The following TDRD3 variants were observed in gnomAD, a reference collection of about 807,000 sequenced individuals.
The protein encoded by TDRD3 is tudor domain containing 3.
In TDRD3, 45 loss-of-function variants were observed where a neutral mutation model predicts 86.7. That is an observed-to-expected ratio of 0.52 (90% CI 0.41 to 0.67). TDRD3 has a LOEUF of 0.67. TDRD3 is among the 30% of genes least tolerant of loss of function. The pLI, the probability that TDRD3 is intolerant of heterozygous loss-of-function variation, is 0.00. For missense variants in TDRD3, 814 were observed against 889.0 expected (o/e 0.92, Z 1.07); for synonymous variants, 298 against 301.7 (o/e 0.99, Z 0.13).
At chr13:60,557,855 C>T (rs1203278456) in intron 12 of TDRD3, among the ~76,000 whole-genome samples, 10 of 98,072 alleles carry the variant, frequency 1.0e-4, no homozygotes, top group East Asian at 7.8e-4. Flanking sequence ...GACAGAGTCT[C>T]GCTCTGTCAC....
chr13:60,423,783 T>C (rs1954723811), intron 1 of TDRD3, among the ~76,000 whole-genome samples: 1 of 152,192 alleles, frequency 6.6e-6, no homozygotes, highest in Admixed American at 6.5e-5. Flanking sequence ...ATTTATGTGG[T>C]ATATTTAAAG....
chr13:60,462,673 T>TATC (rs1446787124), intron 4 of TDRD3, among the ~76,000 whole-genome samples: 3 of 151,634 alleles, frequency 2.0e-5, no homozygotes, highest in Non-Finnish European at 4.4e-5. Flanking sequence ...TGCTAGTTTT[T>TATC]ATTATTATTA....
chr13:60,565,526 A>G (rs1958439174), intron 12 of TDRD3, among the ~76,000 whole-genome samples: 3 of 152,286 alleles, frequency 2.0e-5, no homozygotes, highest in South Asian at 4.2e-4. Context: ...ATAGAAATAG[A>G]TTTTCAAATA....
intron 2 of TDRD3, among the ~76,000 whole-genome samples, chr13:60,440,782 T>C (rs1955245026): frequency 6.6e-6 from 1 of 152,216 alleles, no homozygotes; most frequent in Non-Finnish European, 1.5e-5. Context: ...CAATCAAATG[T>C]ATGTACTACA....
intron 7 of TDRD3, among the ~76,000 whole-genome samples, chr13:60,486,657 AAATT>A (rs1476648373): frequency 1.3e-5 from 2 of 152,192 alleles, no homozygotes; most frequent in Non-Finnish European, 2.9e-5. Context: ...AATATACAAT[AAATT>A]ATTGTTAATT....
chr13:60,543,102 G>A (rs965837576), intron 12 of TDRD3, among the ~76,000 whole-genome samples: 3 of 152,106 alleles, frequency 2.0e-5, no homozygotes. Flanking sequence ...GCCTGTCATT[G>A]GCTGAGAGCT....
intron 4 of TDRD3, among the ~76,000 whole-genome samples, chr13:60,466,619 C>G (rs1311887305): frequency 1.3e-5 from 2 of 152,060 alleles, no homozygotes; most frequent in Non-Finnish European, 2.9e-5. Flanking sequence ...GAAACCCTGT[C>G]TCTCCTGAAA....
chr13:60,450,574 A>G (rs1293338936), intron 3 of TDRD3, among the ~76,000 whole-genome samples: 1 of 152,198 alleles, frequency 6.6e-6, no homozygotes. Flanking sequence ...AGATCCTGCT[A>G]TATTTTCTGG....
At chr13:60,514,650 C>T (rs780471065) in intron 10 of TDRD3, among the ~76,000 whole-genome samples, 16 of 152,052 alleles carry the variant, frequency 1.1e-4, no homozygotes, top group Non-Finnish European at 1.9e-4. Flanking sequence ...CATCAGAGCA[C>T]CAATTCCCTG....
At chr13:60,469,951 G>A (rs999569334) in intron 5 of TDRD3, among the ~76,000 whole-genome samples, 3 of 151,924 alleles carry the variant, frequency 2.0e-5, no homozygotes, top group East Asian at 1.9e-4. Flanking sequence ...AAGAACATTC[G>A]CATTGTTGCA....
chr13:60,565,427 C>T (rs956178535), intron 12 of TDRD3, among the ~76,000 whole-genome samples: 1 of 152,104 alleles, frequency 6.6e-6, no homozygotes, highest in Non-Finnish European at 1.5e-5. Context: ...TTATGAGTTA[C>T]GTGAAAGAAA....
chr13:60,445,809 A>T (rs2137986304), intron 3 of TDRD3, among the ~76,000 whole-genome samples: 1 of 152,274 alleles, frequency 6.6e-6, no homozygotes, highest in East Asian at 1.9e-4. Flanking sequence ...ACATTATTTT[A>T]CTTAAAATTT....
At chr13:60,530,692 T>G (rs185007768) in intron 11 of TDRD3, among the ~76,000 whole-genome samples, 131 of 151,648 alleles carry the variant, frequency 8.6e-4, no homozygotes, top group Middle Eastern at 3.4e-3. Flanking sequence ...TGACCTCAGG[T>G]GATCCACCCG....
intron 3 of TDRD3, among the ~76,000 whole-genome samples, chr13:60,448,623 T>C (rs1955462239): frequency 6.6e-6 from 1 of 152,080 alleles, no homozygotes. Flanking sequence ...TCAAAAGCTG[T>C]AAAAATTGTG....
intron 9 of TDRD3, 93 bp from the exon 10 acceptor site, chr13:60,510,537 C>A: frequency 8.3e-7 from 1 of 1,208,146 alleles, no homozygotes; most frequent in Non-Finnish European, 1.1e-6. Flanking sequence ...AAATTAAAAT[C>A]CTTATTTAAA....
intron 4 of TDRD3, among the ~76,000 whole-genome samples, chr13:60,463,579 A>G (rs1440015148): frequency 1.3e-5 from 2 of 152,158 alleles, no homozygotes; most frequent in Non-Finnish European, 2.9e-5. Flanking sequence ...GAGACTACCT[A>G]CAGAATGGGA....
chr13:60,510,798 C>G, intron 10 of TDRD3, 43 bp downstream of exon 10: 9 of 1,303,050 alleles, frequency 6.9e-6, no homozygotes, highest in Non-Finnish European at 7.9e-6. Context: ...TCTTTCTTTT[C>G]TTTCTTTTTT....
intron 1 of TDRD3, among the ~76,000 whole-genome samples, chr13:60,424,054 C>T (rs746092691): frequency 1.3e-5 from 2 of 151,760 alleles, no homozygotes; most frequent in East Asian, 2.0e-4. Context: ...TGGAGTCTTA[C>T]TCTGTCGCCC....
intron 12 of TDRD3, chr13:60,547,136 G>A (rs905499125): frequency 2.4e-5 from 10 of 415,530 alleles, no homozygotes; most frequent in Non-Finnish European, 3.2e-5. Flanking sequence ...ATTCTGAAAT[G>A]AGAATTACTA....
Sources: allele counts gnomAD v4.1 joint callset (sites outside exome capture counted in the v4.1 genomes callset), GRCh38; gene constraint gnomAD v4.1.1; transcripts MANE v1.5; gene names NCBI Gene and HGNC (gene_info 2026-07-23, HGNC 2026-07-21).